The following DDX10 variants were observed in gnomAD, a reference collection of about 807,000 sequenced individuals.
DDX10 encodes DEAD-box helicase 10.
DDX10 carries 74 observed loss-of-function variants against 104.3 expected under a neutral mutation model. That is an observed-to-expected ratio of 0.71 (90% CI 0.59 to 0.86). The LOEUF is 0.86. Ranked by LOEUF, DDX10 falls within the 40% of genes least tolerant of loss-of-function variation. DDX10 has a pLI of 0.00. For missense variants in DDX10, 952 were observed against 1,040.0 expected (o/e 0.92, Z 1.16); for synonymous variants, 351 against 353.4 (o/e 0.99, Z 0.08).
chr11:108,675,482 G>A (rs904526354), intron 2 of DDX10, 114 bp from the exon 3 acceptor site: 1 of 1,121,940 alleles, frequency 8.9e-7, no homozygotes, highest in African/African-American at 1.6e-5. Flanking sequence ...TATGTTCTGA[G>A]GTACGAGGCA....
At chr11:108,882,264 C>T (rs1362555641) in intron 16 of DDX10, among the ~76,000 whole-genome samples, 1 of 152,056 alleles carries the variant, frequency 6.6e-6, no homozygotes, top group South Asian at 2.1e-4. Flanking sequence ...CAAAATATGC[C>T]CCCACACCTT....
At chr11:108,714,087 C>A (rs764152964) in intron 10 of DDX10, among the ~76,000 whole-genome samples, 31 of 152,182 alleles carry the variant, frequency 2.0e-4, no homozygotes, top group Non-Finnish European at 3.7e-4. Flanking sequence ...CAAAATGGTT[C>A]ATTTTCCCCT....
chr11:108,829,764 T>C (rs1862444024), intron 13 of DDX10, among the ~76,000 whole-genome samples: 1 of 152,234 alleles, frequency 6.6e-6, no homozygotes, highest in Non-Finnish European at 1.5e-5. Flanking sequence ...TTGTGTAAGG[T>C]GAGAGATGAG....
chr11:108,761,341 A>G (rs369708469), intron 13 of DDX10, among the ~76,000 whole-genome samples: 6 of 152,296 alleles, frequency 3.9e-5, no homozygotes, highest in African/African-American at 9.6e-5. Flanking sequence ...GAACAGTAGT[A>G]GTCTAGAGGC....
At chr11:108,691,789 T>G in intron 7 of DDX10, 87 bp from the exon 8 acceptor site, 17 of 1,222,024 alleles carry the variant, frequency 1.4e-5, no homozygotes, top group East Asian at 2.6e-5. Context: ...GCTCTGCTGT[T>G]GAGACTCTGT....
At chr11:108,672,476 C>T (rs1008861598) in intron 1 of DDX10, among the ~76,000 whole-genome samples, 1 of 152,162 alleles carries the variant, frequency 6.6e-6, no homozygotes, top group Non-Finnish European at 1.5e-5. Context: ...GCCTCCTTTC[C>T]AGTGATATCT....
At chr11:108,781,589 A>T (rs1194942127) in intron 13 of DDX10, among the ~76,000 whole-genome samples, 2 of 152,198 alleles carry the variant, frequency 1.3e-5, no homozygotes, top group African/African-American at 2.4e-5. Flanking sequence ...GAAGGTAAAA[A>T]GAAAGAGATT....
At chr11:108,832,961 A>G (rs551807359) in intron 13 of DDX10, among the ~76,000 whole-genome samples, 1 of 152,358 alleles carries the variant, frequency 6.6e-6, no homozygotes, top group Non-Finnish European at 1.5e-5. Context: ...GATCCTTAGG[A>G]GAGAAACCGA....
chr11:108,917,113 T>C (rs1305874605), intron 16 of DDX10, among the ~76,000 whole-genome samples: 1 of 151,540 alleles, frequency 6.6e-6, no homozygotes, highest in Non-Finnish European at 1.5e-5. Context: ...TCACCCAAGC[T>C]GGCATGCAGT....
intron 13 of DDX10, among the ~76,000 whole-genome samples, chr11:108,788,516 C>T (rs1591818450): frequency 6.6e-6 from 1 of 152,162 alleles, no homozygotes; most frequent in African/African-American, 2.4e-5. Flanking sequence ...GTATGCGCCA[C>T]CACGCCTGGC....
At chr11:108,741,493 G>A (rs1389379578) in intron 13 of DDX10, among the ~76,000 whole-genome samples, 1 of 151,988 alleles carries the variant, frequency 6.6e-6, no homozygotes, top group Non-Finnish European at 1.5e-5. Flanking sequence ...CCAGTGTTCT[G>A]TATTTCTCTT....
intron 16 of DDX10, among the ~76,000 whole-genome samples, chr11:108,915,432 GTTTT>G (rs1267407857): frequency 2.6e-5 from 3 of 117,058 alleles, no homozygotes; most frequent in African/African-American, 1.2e-4. Flanking sequence ...AAAAAGGCTT[GTTTT>G]TTTTTTTTTG....
At chr11:108,931,427 G>T (rs1863974238) in intron 17 of DDX10, among the ~76,000 whole-genome samples, 1 of 152,156 alleles carries the variant, frequency 6.6e-6, no homozygotes, top group African/African-American at 2.4e-5. Flanking sequence ...GGGTCAGACT[G>T]ACTCCAAAGC....
chr11:108,747,397 A>G (rs1479002268), intron 13 of DDX10, among the ~76,000 whole-genome samples: 5 of 152,138 alleles, frequency 3.3e-5, no homozygotes, highest in African/African-American at 1.2e-4. Flanking sequence ...GAGTGCAGTG[A>G]TTGATTAATG....
At chr11:108,749,080 CTCTCTCTA>C (rs1167510316) in intron 13 of DDX10, among the ~76,000 whole-genome samples, 2 of 151,482 alleles carry the variant, frequency 1.3e-5, no homozygotes, top group African/African-American at 2.4e-5. Context: ...TTCTCTCTCT[CTCTCTCTA>C]TATATATATT....
intron 16 of DDX10, among the ~76,000 whole-genome samples, chr11:108,905,884 G>T (rs1863589706): frequency 6.6e-6 from 1 of 152,092 alleles, no homozygotes; most frequent in African/African-American, 2.4e-5. Context: ...TAAGAGAAGT[G>T]GGGTGAAGTG....
At chr11:108,830,479 A>G (rs993941144) in intron 13 of DDX10, among the ~76,000 whole-genome samples, 4 of 152,194 alleles carry the variant, frequency 2.6e-5, no homozygotes, top group Non-Finnish European at 5.9e-5. Flanking sequence ...TTATACAATC[A>G]TATCATCAGC....
intron 1 of DDX10, among the ~76,000 whole-genome samples, chr11:108,670,475 C>T (rs1350883144): frequency 6.6e-6 from 1 of 152,146 alleles, no homozygotes; most frequent in East Asian, 1.9e-4. Flanking sequence ...GAGGAATCCC[C>T]GGGCCTGCAG....
intron 17 of DDX10, among the ~76,000 whole-genome samples, chr11:108,927,080 C>T (rs1277154738): frequency 6.6e-6 from 1 of 152,204 alleles, no homozygotes; most frequent in East Asian, 1.9e-4. Context: ...TCTCCACCTC[C>T]AGACACCCAC....
Sources: gnomAD v4.1 joint callset for allele counts (sites outside exome capture counted in the v4.1 genomes callset) on GRCh38, gnomAD v4.1.1 for gene constraint, MANE v1.5 for transcripts, NCBI Gene and HGNC (gene_info 2026-07-23, HGNC 2026-07-21) for gene names.